Variants in TSNARE1 observed in about 807,000 individuals in gnomAD.
TSNARE1 encodes t-SNARE domain-containing protein 1.
A neutral mutation model predicts 62.0 loss-of-function variants in TSNARE1; 49 were observed. That is an observed-to-expected ratio of 0.79 (90% CI 0.63 to 1.00). The LOEUF (loss-of-function observed/expected upper bound fraction) is 1.00. Ranked by LOEUF, TSNARE1 falls within the 50% of genes least tolerant of loss-of-function variation. TSNARE1 has a pLI of 0.00. For synonymous variants in TSNARE1, 328 were observed against 294.4 expected (o/e 1.11, Z -1.17); for missense variants, 755 against 700.1 (o/e 1.08, Z -0.88).
At chr8:142,392,226 C>T (rs1457470466) in intron 1 of TSNARE1, among the ~76,000 whole-genome samples, 1 of 152,022 alleles carries the variant, frequency 6.6e-6, no homozygotes, top group Non-Finnish European at 1.5e-5. Flanking sequence ...TTCACCATGT[C>T]GGCCAGACTG....
chr8:142,379,911 A>G (rs1439480976), intron 1 of TSNARE1, among the ~76,000 whole-genome samples: 1 of 152,212 alleles, frequency 6.6e-6, no homozygotes, highest in Non-Finnish European at 1.5e-5. Context: ...CCTGAGGGAA[A>G]GGAAGCATCT....
At chr8:142,252,833 C>G (rs1041425384) in intron 12 of TSNARE1, among the ~76,000 whole-genome samples, 3 of 152,198 alleles carry the variant, frequency 2.0e-5, no homozygotes, top group Non-Finnish European at 4.4e-5. Flanking sequence ...AGGTCCTCCC[C>G]TCCCCACCCC....
At chr8:142,334,372 C>T (rs2132088188) in intron 4 of TSNARE1, among the ~76,000 whole-genome samples, 1 of 152,168 alleles carries the variant, frequency 6.6e-6, no homozygotes, top group South Asian at 2.1e-4. Context: ...TATCATGGAA[C>T]AAGCTCTGAC....
intron 9 of TSNARE1, among the ~76,000 whole-genome samples, chr8:142,309,035 T>G (rs1309199659): frequency 6.6e-6 from 1 of 152,246 alleles, no homozygotes; most frequent in Non-Finnish European, 1.5e-5. Context: ...TAGAATTTTT[T>G]GAAGAAATTT....
At chr8:142,333,820 G>A (rs919665552) in intron 4 of TSNARE1, among the ~76,000 whole-genome samples, 3 of 152,228 alleles carry the variant, frequency 2.0e-5, no homozygotes, top group African/African-American at 7.2e-5. Context: ...GGCAAGGCCT[G>A]GAGAAAGGAG....
intron 1 of TSNARE1, among the ~76,000 whole-genome samples, chr8:142,362,602 G>C (rs752520112): frequency 6.6e-6 from 1 of 152,126 alleles, no homozygotes; most frequent in South Asian, 2.1e-4. Context: ...TCAAGTGGGG[G>C]CCAGCGCTTC....
chr8:142,315,397 C>T (rs138103946), intron 7 of TSNARE1, among the ~76,000 whole-genome samples: 3,072 of 152,362 alleles, frequency 0.02, 46 homozygotes, highest in Non-Finnish European at 0.03. Context: ...TCTTCCACAG[C>T]GCAGGACGTC....
At chr8:142,303,401 GC>G (rs1245300656) in intron 9 of TSNARE1, among the ~76,000 whole-genome samples, 1 of 152,202 alleles carries the variant, frequency 6.6e-6, no homozygotes, top group Non-Finnish European at 1.5e-5. Context: ...CCAGCGAGGT[GC>G]CCCGCCTCCT....
At chr8:142,296,363 G>A (rs1452746204) in intron 10 of TSNARE1, among the ~76,000 whole-genome samples, 1 of 115,218 alleles carries the variant, frequency 8.7e-6, no homozygotes, top group Non-Finnish European at 1.9e-5. Flanking sequence ...CACTCATGGG[G>A]GAAGGGTGGT....
At chr8:142,357,195 G>A (rs935097308) in intron 1 of TSNARE1, among the ~76,000 whole-genome samples, 1 of 152,216 alleles carries the variant, frequency 6.6e-6, no homozygotes, top group African/African-American at 2.4e-5. Context: ...ACTGATCCCA[G>A]CCAGAGCTCA....
At position 142,285,247 on chromosome 8, in the gene TSNARE1, GATGGATGC is replaced by G. The variant is rs1265665679; in HGVS notation, c.1291-770_1291-763del. Among the ~76,000 whole-genome samples, 116 of 142,586 alleles carry G rather than the reference GATGGATGC, an allele frequency of 8.1e-4. 2 individuals are homozygous for G. Among genetic ancestry groups the G allele is most frequent in the African/African-American group, 3.0e-3 (112 of 37,746 alleles). The allele number at this position is 142,586 out of a possible 152,430, so 93.5% of individuals were successfully genotyped here. A position where few individuals can be genotyped will look rare whatever the true frequency, so the allele number is the denominator to read the frequency against. On this transcript the variant is annotated intron_variant, in intron 10 of 13. Transcript: ENST00000524325. The stretch of plus-strand genomic sequence containing the variant: ...GGGTGGATGGATGGATGGGTAGATG[GATGGATGC>G]GTAGGTGGATGGATGGATGGGTAGG...
intron 13 of TSNARE1, among the ~76,000 whole-genome samples, chr8:142,217,010 G>A (rs28460883): frequency 0.48 from 73,001 of 151,850 alleles, 17,860 homozygotes; most frequent in East Asian, 0.6. Context: ...TTGGGAGGCC[G>A]AGGCAGGCAG....
At chr8:142,212,806 T>G (rs1815622875) in intron 13 of TSNARE1, among the ~76,000 whole-genome samples, 1 of 9,370 alleles carries the variant, frequency 1.1e-4, no homozygotes. Context: ...TCTCCAATCC[T>G]TCCCCCCCCT....
chr8:142,302,287 A>G (rs1341966292), intron 9 of TSNARE1, among the ~76,000 whole-genome samples: 1 of 151,512 alleles, frequency 6.6e-6, no homozygotes, highest in Non-Finnish European at 1.5e-5. Context: ...TCCTCAGACC[A>G]CCCTGCCTGC....
intron 1 of TSNARE1, among the ~76,000 whole-genome samples, chr8:142,369,203 G>C (rs1480803306): frequency 6.6e-6 from 1 of 152,136 alleles, no homozygotes; most frequent in Non-Finnish European, 1.5e-5. Flanking sequence ...CACTGCCGGG[G>C]GTAGGGCAGG....
At chr8:142,316,919 A>G (rs984439174) in intron 7 of TSNARE1, among the ~76,000 whole-genome samples, 1 of 151,908 alleles carries the variant, frequency 6.6e-6, no homozygotes, top group Non-Finnish European at 1.5e-5. Flanking sequence ...TGGCTGAGCC[A>G]CGCTGCTGGC....
At chr8:142,285,430 GGATA>G (rs1323439963) in intron 10 of TSNARE1, among the ~76,000 whole-genome samples, 3 of 140,502 alleles carry the variant, frequency 2.1e-5, no homozygotes, top group Admixed American at 1.4e-4. Flanking sequence ...ATGGATGGAT[GGATA>G]GATGTGTGGG....
intron 2 of TSNARE1, among the ~76,000 whole-genome samples, chr8:142,350,455 TAGTC>T (rs1833958871): frequency 6.6e-6 from 1 of 152,214 alleles, no homozygotes; most frequent in East Asian, 1.9e-4. Context: ...AATTAACTGG[TAGTC>T]AGAAAATCTT....
chr8:142,222,621 CACTCATCCACTCACTCATTCACTT>C lies in TSNARE1; in HGVS notation c.*11+6828_*11+6851del, dbSNP rs1405348053. Among the ~76,000 whole-genome samples, 41 of 148,118 alleles carry C rather than the reference CACTCATCCACTCACTCATTCACTT, an allele frequency of 2.8e-4. 7 individuals are homozygous for C. The highest frequency in any genetic ancestry group is 2.3e-3 in the East Asian group (11 of 4,802). ...TCATCCACTCACTCATTCATCCACT[CACTCATCCACTCACTCATTCACTT>C]ACTCATCCACTCATTCACTCACTCA... is the stretch of plus-strand genomic sequence containing the variant. On this transcript the variant is annotated intron_variant, in intron 13 of 13. Transcript: ENST00000524325.
Sources: allele counts gnomAD v4.1 joint callset (sites outside exome capture counted in the v4.1 genomes callset), GRCh38; gene constraint gnomAD v4.1.1; transcripts MANE v1.5; gene names NCBI Gene and HGNC (gene_info 2026-07-23, HGNC 2026-07-21).